The following FBXO47 variants were observed in gnomAD, a reference collection of about 807,000 sequenced individuals.
FBXO47 encodes the protein F-box protein 47.
Under a neutral mutation model 53.9 loss-of-function variants are expected in FBXO47, and 34 were observed. The ratio of observed to expected loss-of-function variants is 0.63; its 90% CI spans 0.48 to 0.84. The LOEUF (loss-of-function observed/expected upper bound fraction) is 0.84. FBXO47 is among the 40% of genes least tolerant of loss of function. FBXO47 has a pLI of 0.00. For missense variants in FBXO47, 485 were observed against 541.3 expected (o/e 0.90, Z 1.03); for synonymous variants, 165 against 181.6 (o/e 0.91, Z 0.73).
In FBXO47 at chr17:38,938,578, A is replaced by G. The variant is rs1205755903; in HGVS notation, c.1238T>C (p.Met413Thr). The G allele has an allele frequency of 1.2e-6, 2 of 1,610,808 alleles. No homozygotes were observed. The highest frequency in any genetic ancestry group is 1.7e-6 in the Non-Finnish European group (2 of 1,178,048). The change falls in exon 10 of 11, where the codon ATG (methionine) becomes ACG (threonine). Residue 413 changes from methionine (M) to threonine (T), a missense_variant. Coordinates refer to ENST00000378079, the MANE Select transcript of FBXO47 (RefSeq NM_001008777.3). ...CCAAGTACATTCCTACTCACCAGAC[A>G]TAATTGATTGCAGCATTTCCATTAT... ...CVIMEMLQSIMSGDRDEDDRS... is the reference protein window; with the variant it reads ...CVIMEMLQSITSGDRDEDDRS...
intron 1 of FBXO47, among the ~76,000 whole-genome samples, chr17:38,963,510 T>C (rs1211642425): frequency 2.0e-5 from 3 of 152,072 alleles, no homozygotes; most frequent in Non-Finnish European, 4.4e-5. Context: ...ATTTAAATAG[T>C]TTTAAAGTCT....
Position 38,937,149 on chromosome 17 carries a change from C to T in FBXO47, c.*26G>A, listed in dbSNP as rs1567712586. ...CTCTAATCATTCGTTCAGTGACGTT[C>T]TCTAAAGGCAAGGCTTTCTGAGGAT... On this transcript the variant is annotated 3_prime_UTR_variant, in exon 11 of 11. Coordinates refer to ENST00000378079, the MANE Select transcript of FBXO47 (RefSeq NM_001008777.3). The T allele has an allele frequency of 9.3e-7, 1 of 1,076,024 alleles. No individual in the cohort carries two copies. Among genetic ancestry groups the T allele is most frequent in the Non-Finnish European group, 1.4e-6 (1 of 707,594 alleles). The allele number at this position is 1,076,024 out of a possible 1,614,324, so 66.7% of individuals were successfully genotyped here. A position where few individuals can be genotyped will look rare whatever the true frequency, so the allele number is the denominator to read the frequency against.
chr17:38,941,619 A>ATT (rs71138677), intron 9 of FBXO47, among the ~76,000 whole-genome samples: 6 of 69,736 alleles, frequency 8.6e-5, no homozygotes, highest in African/African-American at 3.6e-4. Flanking sequence ...TAAATATAAT[A>ATT]TTATATATAT....
chr17:38,960,630 CTTTTTTT>C (rs947161295), intron 3 of FBXO47, among the ~76,000 whole-genome samples: 3 of 132,524 alleles, frequency 2.3e-5, no homozygotes, highest in South Asian at 2.4e-4. Flanking sequence ...AATTCTTTCT[CTTTTTTT>C]TTTTTTTTTT....
At position 38,954,869 on chromosome 17, in the gene FBXO47, CCATAA is replaced by C; in HGVS notation, c.489_493del (p.Cys163TrpfsTer13). 1 of 1,603,770 alleles carries C rather than the reference CCATAA, an allele frequency of 6.2e-7. No individual in the cohort carries two copies. Among genetic ancestry groups the C allele is most frequent in the Non-Finnish European group, 8.5e-7 (1 of 1,174,878 alleles). On this transcript the variant is annotated frameshift_variant, in exon 5 of 11. Coordinates refer to ENST00000378079, the MANE Select transcript of FBXO47 (RefSeq NM_001008777.3). LOFTEE classifies it high-confidence loss of function. ...AAAAAAATGTACCTGTAAAAACATG[CCATAA>C]CATGTTAATCCTAAACACTGCATAG...
intron 6 of FBXO47, among the ~76,000 whole-genome samples, chr17:38,949,044 C>T (rs1905073648): frequency 6.6e-6 from 1 of 152,030 alleles, no homozygotes; most frequent in Non-Finnish European, 1.5e-5. Flanking sequence ...TGTAATACTA[C>T]ATTTTGTTTA....
At chr17:38,949,247 T>C (rs1475272427) in intron 6 of FBXO47, among the ~76,000 whole-genome samples, 1 of 151,698 alleles carries the variant, frequency 6.6e-6, no homozygotes, top group Non-Finnish European at 1.5e-5. Flanking sequence ...TGAAACCCCA[T>C]CACTATAAAA....
chr17:38,954,985 C>A, intron 4 of FBXO47, 52 bp from the exon 5 acceptor site: 2 of 1,302,996 alleles, frequency 1.5e-6, no homozygotes, highest in Non-Finnish European at 1.1e-6. Context: ...TATAGTTTGA[C>A]AATGGTGGAA....
intron 6 of FBXO47, among the ~76,000 whole-genome samples, chr17:38,947,939 T>A (rs552189968): frequency 5.1e-4 from 78 of 151,950 alleles, no homozygotes; most frequent in African/African-American, 1.4e-3. Flanking sequence ...AAAATTAGAT[T>A]AACATAGGAC....
rs527314101 is a variant in FBXO47, at chr17:38,946,235, C to A, written c.617-1099G>T. On this transcript the variant is annotated intron_variant, in intron 6 of 10. Coordinates refer to ENST00000378079, the MANE Select transcript of FBXO47 (RefSeq NM_001008777.3). ...ATACAAAAATATATATAAATATATA[C>A]AAATATATATAAATATAAAAATATG... Among the ~76,000 whole-genome samples the A allele has an allele frequency of 6.4e-3, 503 of 78,558 alleles. 17 individuals carry two copies. In the East Asian group the frequency reaches 0.13, roughly 20 times the overall value. The allele number at this position is 78,558 out of a possible 152,430, so 51.5% of individuals were successfully genotyped here. A position where few individuals can be genotyped will look rare whatever the true frequency, so the allele number is the denominator to read the frequency against.
In FBXO47 at chr17:38,941,620, T is replaced by TTTTATATATATA. The variant is rs1555560016; in HGVS notation, c.1083+1157_1083+1158insTATATATATAAA. On this transcript the variant is annotated intron_variant, in intron 9 of 10. Coordinates refer to ENST00000378079, the MANE Select transcript of FBXO47 (RefSeq NM_001008777.3). ...AAATGAATATTAAATAAATATAATATTATATATATATATATATATATATAT... is the reference window on the plus strand; with the variant it reads ...AAATGAATATTAAATAAATATAATATTTTATATATATATATATATATATATATATATATATAT... Among the ~76,000 whole-genome samples, 330 of 115,166 alleles carry TTTTATATATATA rather than the reference T, an allele frequency of 2.9e-3. 8 individuals are homozygous for TTTTATATATATA. Among genetic ancestry groups the TTTTATATATATA allele is most frequent in the African/African-American group, 9.4e-3 (308 of 32,750 alleles). The allele number at this position is 115,166 out of a possible 152,430, so 75.6% of individuals were successfully genotyped here. A position where few individuals can be genotyped will look rare whatever the true frequency, so the allele number is the denominator to read the frequency against.
At position 38,961,727 on chromosome 17, in the gene FBXO47, G is replaced by A. The variant is rs138729851; in HGVS notation, c.352+150C>T. ...CCTTTAAAGATAACTGGTTAAGGGA[G>A]TGTTCTCACACTAAAGAGTAAAAAC... is the stretch of plus-strand genomic sequence containing the variant. On this transcript the variant is annotated intron_variant, in intron 3 of 10. Transcript: ENST00000378079. The A allele has an allele frequency of 7.0e-4, 452 of 650,126 alleles. 2 individuals are homozygous for A. In the African/African-American group the frequency reaches 7.7e-3, roughly 11 times the overall value. The allele number at this position is 650,126 out of a possible 1,614,324, so 40.3% of individuals were successfully genotyped here.
Position 38,943,720 on chromosome 17 carries a change from C to T in FBXO47, c.810G>A (p.Gln270=). 2.5e-6 allele frequency: 4 copies of T among 1,606,892 alleles called. No homozygotes were observed. Among genetic ancestry groups the T allele is most frequent in the Non-Finnish European group, 3.4e-6 (4 of 1,177,982 alleles). ...CATCTGTAGGTTCTTCTATCATTTC[C>T]TGCCAAACCACCTGTCCTGAATTGA... ...ISPQDGQVVW[Q]EMIEEPTDEF... is the part of the protein sequence containing the mutation. The change falls in exon 8 of 11, where the codon CAG becomes CAA. Residue 270 remains glutamine, a synonymous_variant. Coordinates refer to ENST00000378079, the MANE Select transcript of FBXO47 (RefSeq NM_001008777.3).
At position 38,966,231 on chromosome 17, in the gene FBXO47, TC is replaced by T. The variant is rs1447656306; in HGVS notation, c.-27+997del. Among the ~76,000 whole-genome samples, 18 of 152,304 alleles carry T rather than the reference TC, an allele frequency of 1.2e-4. No homozygotes were observed. The East Asian group carries it at 3.5e-3, about 29-fold the overall frequency. On this transcript the variant is annotated intron_variant, in intron 1 of 10. Coordinates refer to ENST00000378079, the MANE Select transcript of FBXO47 (RefSeq NM_001008777.3). ...TTGTTTGTTTGTTTGCGATGGAGTT[TC>T]GCACAGTCTCCTGGGCTGGAGTGCA... is the stretch of plus-strand genomic sequence containing the variant.
intron 8 of FBXO47, 24 bp downstream of exon 8, chr17:38,943,566 T>C: frequency 7.0e-7 from 1 of 1,424,450 alleles, no homozygotes; most frequent in South Asian, 1.4e-5. Context: ...TCTATTATTC[T>C]ATGTTAGTAA....
At chr17:38,951,761 T>G (rs1905301818) in intron 5 of FBXO47, 72 bp from the exon 6 acceptor site, 1 of 1,166,950 alleles carries the variant, frequency 8.6e-7, no homozygotes, top group Admixed American at 1.9e-5. Flanking sequence ...CCAGGCATGG[T>G]GGCTCACGCC....
At chr17:38,946,945 CATATATAAATATATAAACATATATAAAT>C (rs1555560961) in intron 6 of FBXO47, among the ~76,000 whole-genome samples, 2 of 102,972 alleles carry the variant, frequency 1.9e-5, no homozygotes, top group African/African-American at 8.5e-5. Flanking sequence ...TATATATAAA[CATATATAAATATATAAACATATATAAAT>C]ATATGTAAAT....
intron 2 of FBXO47, among the ~76,000 whole-genome samples, chr17:38,962,423 C>T (rs1417481319): frequency 3.3e-5 from 5 of 152,090 alleles, no homozygotes; most frequent in Non-Finnish European, 7.4e-5. Flanking sequence ...CGAGACCAGA[C>T]TGATCAACAT....
At chr17:38,937,868 CCG>C (rs1915620324) in intron 10 of FBXO47, among the ~76,000 whole-genome samples, 1 of 152,004 alleles carries the variant, frequency 6.6e-6, no homozygotes, top group African/African-American at 2.4e-5. Flanking sequence ...CGGGGTTTCA[CCG>C]TGTTAGCCAG....
Sources: allele counts gnomAD v4.1 joint callset (sites outside exome capture counted in the v4.1 genomes callset), GRCh38; gene constraint gnomAD v4.1.1; transcripts MANE v1.5; gene names NCBI Gene and HGNC (gene_info 2026-07-23, HGNC 2026-07-21).